The following KYAT3 variants were observed in gnomAD, a reference collection of about 807,000 sequenced individuals.
The protein encoded by KYAT3 is kynurenine--oxoglutarate transaminase 3.
KYAT3 carries 50 observed loss-of-function variants against 59.0 expected under a neutral mutation model. That is an observed-to-expected ratio of 0.85 (90% CI 0.68 to 1.07). KYAT3 has a LOEUF of 1.07. KYAT3 is among the 50% of genes least tolerant of loss of function. The pLI, the probability that KYAT3 is intolerant of heterozygous loss-of-function variation, is 0.00. For missense variants in KYAT3, 497 were observed against 533.3 expected (o/e 0.93, Z 0.67); for synonymous variants, 148 against 177.0 (o/e 0.84, Z 1.30).
At chr1:88,981,911 T>C (rs1256392570) in intron 2 of KYAT3, 1 of 945,856 alleles carries the variant, frequency 1.1e-6, no homozygotes, top group Non-Finnish European at 1.3e-6. Context: ...AGTGAGACAT[T>C]AGAGTTGCAA....
intron 2 of KYAT3, chr1:88,981,239 T>C (rs1677071159): frequency 6.6e-6 from 1 of 152,218 alleles, no homozygotes; most frequent in African/African-American, 2.4e-5. Context: ...ACTAAACTGT[T>C]TGTGGATAAG....
chr1:88,971,007 A>G (rs754868578), intron 2 of KYAT3, among the ~76,000 whole-genome samples: 29 of 152,220 alleles, frequency 1.9e-4, no homozygotes, highest in Non-Finnish European at 2.5e-4. Context: ...GAATAGCATT[A>G]TAATTACCCA....
the KYAT3 span, among the ~76,000 whole-genome samples, chr1:88,921,649 T>C: frequency 6.6e-6 from 1 of 152,182 alleles, no homozygotes; most frequent in African/African-American, 2.4e-5. Context: ...TCCAGAGAAA[T>C]AGAACCACTA....
chr1:88,941,581 TG>T, intron 13 of KYAT3, among the ~76,000 whole-genome samples: 1 of 152,294 alleles, frequency 6.6e-6, no homozygotes, highest in South Asian at 2.1e-4. Context: ...CATTGTATTC[TG>T]GTCTCCGCTG....
intron 2 of KYAT3, among the ~76,000 whole-genome samples, chr1:88,972,513 A>T (rs974365524): frequency 6.6e-6 from 1 of 152,222 alleles, no homozygotes; most frequent in African/African-American, 2.4e-5. Flanking sequence ...TAGCTCTATC[A>T]GTCAGCTAAA....
At chr1:88,947,601 C>A (rs1470097535) in intron 11 of KYAT3, among the ~76,000 whole-genome samples, 1 of 152,194 alleles carries the variant, frequency 6.6e-6, no homozygotes. Flanking sequence ...AAACAAGTAG[C>A]CCATGAAAGG....
At chr1:88,949,057 C>T (rs759023788) in intron 11 of KYAT3, 34 bp downstream of exon 11, 1 of 1,442,280 alleles carries the variant, frequency 6.9e-7, no homozygotes, top group Non-Finnish European at 9.2e-7. Flanking sequence ...ACATAAGTTT[C>T]CGTATAGTTG....
At chr1:88,991,551 C>A (rs1051618408) in intron 1 of KYAT3, among the ~76,000 whole-genome samples, 1 of 152,152 alleles carries the variant, frequency 6.6e-6, no homozygotes, top group Non-Finnish European at 1.5e-5. Flanking sequence ...AGACGGTGAA[C>A]AAAGTCCTGG....
the KYAT3 span, among the ~76,000 whole-genome samples, chr1:88,929,800 T>G: frequency 6.6e-6 from 1 of 152,216 alleles, no homozygotes; most frequent in Non-Finnish European, 1.5e-5. Context: ...TACTGGCTTA[T>G]CCTCATCCCA....
intron 9 of KYAT3, among the ~76,000 whole-genome samples, chr1:88,954,217 C>T (rs12068592): frequency 0.033 from 4,946 of 152,096 alleles, 240 homozygotes; most frequent in African/African-American, 0.11. Flanking sequence ...TGCTTCTTAC[C>T]CATGCTCAGG....
At chr1:88,928,550 G>A in the KYAT3 span, among the ~76,000 whole-genome samples, 13 of 152,002 alleles carry the variant, frequency 8.6e-5, no homozygotes, top group African/African-American at 2.7e-4. Context: ...CCACCCCCTC[G>A]TCCATGCCCC....
chr1:88,980,366 T>C (rs376163037), intron 2 of KYAT3: 12 of 152,416 alleles, frequency 7.9e-5, no homozygotes, highest in East Asian at 7.7e-4. Context: ...TTTCTCCCTC[T>C]GGACCAAGCA....
intron 13 of KYAT3, among the ~76,000 whole-genome samples, chr1:88,938,046 A>C (rs60436973): frequency 0.14 from 20,954 of 152,098 alleles, 1,644 homozygotes; most frequent in African/African-American, 0.21. Context: ...TATCAAGGTT[A>C]ACTTCATGAT....
chr1:88,938,370 T>A (rs78293353), intron 13 of KYAT3, among the ~76,000 whole-genome samples: 4,245 of 152,294 alleles, frequency 0.028, 160 homozygotes, highest in African/African-American at 0.082. Flanking sequence ...TTTATTGTTC[T>A]TGTTTATTTA....
At chr1:88,974,521 C>T (rs980291741) in intron 2 of KYAT3, among the ~76,000 whole-genome samples, 2 of 136,092 alleles carry the variant, frequency 1.5e-5, no homozygotes, top group South Asian at 2.3e-4. Flanking sequence ...TTGGCCAGGC[C>T]GTAGTGCAGT....
chr1:88,974,469 C>CTTTTTTT (rs71084932), intron 2 of KYAT3, among the ~76,000 whole-genome samples: 16 of 69,680 alleles, frequency 2.3e-4, no homozygotes, highest in Admixed American at 4.1e-4. Flanking sequence ...GTGTCTCTCT[C>CTTTTTTT]TTTTTTTTTT....
At chr1:88,972,075 C>A (rs1185238828) in intron 2 of KYAT3, among the ~76,000 whole-genome samples, 3 of 152,184 alleles carry the variant, frequency 2.0e-5, no homozygotes, top group Non-Finnish European at 4.4e-5. Flanking sequence ...GCTATACATA[C>A]ATTTATTTTA....
At position 88,969,408 on chromosome 1, in the gene KYAT3, C is replaced by A; in HGVS notation, c.158+1G>T. The A allele has an allele frequency of 6.5e-7, 1 of 1,538,430 alleles. No individual in the cohort carries two copies. The highest frequency in any genetic ancestry group is 9.0e-7 in the Non-Finnish European group (1 of 1,113,990). On this transcript the variant is annotated splice_donor_variant, in intron 3 of 13. Coordinates refer to ENST00000260508, the MANE Select transcript of KYAT3 (RefSeq NM_001008661.3). LOFTEE classifies it high-confidence loss of function. ...ATTATTATTTATTTTAAGATACTCA[C>A]CACACATTACTATCAAGTCCTTCAA...
the KYAT3 span, among the ~76,000 whole-genome samples, chr1:88,929,480 A>G: frequency 6.6e-6 from 1 of 152,002 alleles, no homozygotes; most frequent in Admixed American, 6.6e-5. Flanking sequence ...CAACGTCTCA[A>G]CTCACCTGGA....
Sources: gnomAD v4.1 joint callset for allele counts (sites outside exome capture counted in the v4.1 genomes callset) on GRCh38, gnomAD v4.1.1 for gene constraint, MANE v1.5 for transcripts, NCBI Gene and HGNC (gene_info 2026-07-23, HGNC 2026-07-21) for gene names.